Variants in TNIP1 observed in about 807,000 individuals in gnomAD.
The protein encoded by TNIP1 is TNFAIP3-interacting protein 1.
TNIP1 carries 22 observed loss-of-function variants against 86.6 expected under a neutral mutation model. The observed-to-expected ratio is 0.25, with a 90% CI of 0.18 to 0.36. The LOEUF is 0.36. TNIP1 is among the 10% of genes least tolerant of loss of function. The pLI, the probability that TNIP1 is intolerant of heterozygous loss-of-function variation, is 1.00. For missense variants in TNIP1, 709 were observed against 820.6 expected (o/e 0.86, Z 1.66); for synonymous variants, 294 against 313.0 (o/e 0.94, Z 0.64).
Position 151,052,063 on chromosome 5 carries a change from G to GCCTCAGAGCCACGGT in TNIP1, c.722+87_722+101dup, listed in dbSNP as rs1285053625. On this transcript the variant is annotated intron_variant, in intron 7 of 17. Coordinates refer to ENST00000521591, the MANE Select transcript of TNIP1 (RefSeq NM_006058.5). ...CTCCAAATAGGGCTCTGGGCACAGGGCCTCAGAGCCACGGTCCTCAACCCA... is the reference window on the plus strand; with the variant it reads ...CTCCAAATAGGGCTCTGGGCACAGGGCCTCAGAGCCACGGTCCTCAGAGCCACGGTCCTCAACCCA... The GCCTCAGAGCCACGGT allele has an allele frequency of 5.2e-6, 5 of 961,982 alleles. No individual in the cohort carries two copies. The East Asian group carries it at 1.3e-4, about 25-fold the overall frequency. The allele number at this position is 961,982 out of a possible 1,614,324, so 59.6% of individuals were successfully genotyped here.
In TNIP1 at chr5:151,049,863, C is replaced by T; in HGVS notation, c.807G>A (p.Met269Ile). ...CCACTGCCTTCTTGCCTGTCCCTTC[C>T]ATCTTCGGTGAGCCTGGCCGCCCAG... Reference protein sequence around the residue: ...GASGRPGSPKMEGTGKKAVAG... With the variant: ...GASGRPGSPKIEGTGKKAVAG... Residue 269 changes from methionine to isoleucine, a missense_variant, in exon 8 of 18, where the codon ATG (methionine) becomes ATA (isoleucine). Transcript: ENST00000521591. 1 of 1,614,194 alleles carries T rather than the reference C, an allele frequency of 6.2e-7. No individual in the cohort carries two copies.
upstream of TNIP1, among the ~76,000 whole-genome samples, chr5:151,081,635 G>A: frequency 6.6e-6 from 1 of 152,200 alleles, no homozygotes; most frequent in South Asian, 2.1e-4. Context: ...GATGCTTTGC[G>A]TGCATTATTT....
chr5:151,084,458 AAG>A, upstream of TNIP1, among the ~76,000 whole-genome samples: 2 of 151,380 alleles, frequency 1.3e-5, no homozygotes, highest in African/African-American at 2.4e-5. Flanking sequence ...AAAAAAAAAA[AAG>A]AAAGAAAGAA....
At chr5:151,049,100 C>A (rs1022321871) in intron 8 of TNIP1, among the ~76,000 whole-genome samples, 1 of 152,190 alleles carries the variant, frequency 6.6e-6, no homozygotes, top group African/African-American at 2.4e-5. Context: ...GTAATTGCTA[C>A]TATTGCATAG....
At chr5:151,055,198 CTCAAGCTTACCT>C (rs1186340838) in intron 6 of TNIP1, among the ~76,000 whole-genome samples, 1 of 151,990 alleles carries the variant, frequency 6.6e-6, no homozygotes, top group Non-Finnish European at 1.5e-5. Flanking sequence ...GCCTGCCCCC[CTCAAGCTTACCT>C]TCTAGCAGAG....
chr5:151,048,825 C>T (rs991445653), intron 8 of TNIP1, among the ~76,000 whole-genome samples: 8 of 152,180 alleles, frequency 5.3e-5, no homozygotes, highest in African/African-American at 1.9e-4. Flanking sequence ...GGATTCGGAA[C>T]ACCAGGGAAG....
rs748237814 is a variant in TNIP1 at position 151,065,032 on chromosome 5, A to C, written c.64T>G (p.Ser22Ala). Residue 22 changes from serine (S) to alanine (A), a missense_variant, in exon 2 of 18, where the codon TCC (serine) becomes GCC (alanine). By Grantham distance (99) the Ser-to-Ala change is moderately conservative. Transcript: ENST00000521591. Reference protein sequence around the residue: ...PGGSVPSGEASAAFERLVKEN... With the variant: ...PGGSVPSGEAAAAFERLVKEN... The stretch of plus-strand genomic sequence containing the variant: ...TTCACTAGGCGCTCAAAAGCTGCGG[A>C]TGCCTCTCCTGAGGGCACGCTGCCC... 9 of 1,614,188 alleles carry C rather than the reference A, an allele frequency of 5.6e-6. No individual in the cohort carries two copies. In the East Asian group the frequency reaches 1.1e-4, roughly 20 times the overall value.
chr5:151,043,043 T>C (rs1581765605), intron 9 of TNIP1, 82 bp from the exon 10 acceptor site: 1 of 1,410,796 alleles, frequency 7.1e-7, no homozygotes, highest in East Asian at 2.3e-5. Context: ...TACACCAGCG[T>C]CCCAAGGTGT....
intron 13 of TNIP1, 87 bp from the exon 14 acceptor site, chr5:151,035,794 G>T (rs1395076428): frequency 3.8e-6 from 6 of 1,558,504 alleles, no homozygotes; most frequent in Non-Finnish European, 5.2e-6. Flanking sequence ...GCCTCCTGCT[G>T]GGGTCACAGA....
chr5:151,073,808 G>A (rs1763086919), intron 1 of TNIP1, among the ~76,000 whole-genome samples: 1 of 152,090 alleles, frequency 6.6e-6, no homozygotes, highest in Non-Finnish European at 1.5e-5. Flanking sequence ...GTTGAGGTGG[G>A]AGGATCACTT....
chr5:151,042,880 A>G lies in TNIP1; in HGVS notation c.1002+16T>C, dbSNP rs889731368. Reference sequence around the variant, plus strand: ...CCAGGCATGCCCTGTGGGCGTGGCCAGGAACCCCACATTACCTTCTGCTCA... The same window carrying G: ...CCAGGCATGCCCTGTGGGCGTGGCCGGGAACCCCACATTACCTTCTGCTCA... On this transcript the variant is annotated intron_variant, in intron 10 of 17. Transcript: ENST00000521591. 6.2e-7 allele frequency: 1 copy of G among 1,613,394 alleles called. No homozygotes were observed. The highest frequency in any genetic ancestry group is 1.7e-5 in the Admixed American group (1 of 60,030).
chr5:151,075,336 T>C (rs1294824446), intron 1 of TNIP1, among the ~76,000 whole-genome samples: 4 of 152,156 alleles, frequency 2.6e-5, no homozygotes, highest in Non-Finnish European at 4.4e-5. Flanking sequence ...CTTTTTACTG[T>C]ATTGTTTGCT....
At chr5:151,031,467 T>G (rs2113192926) in intron 17 of TNIP1, among the ~76,000 whole-genome samples, 3 of 152,258 alleles carry the variant, frequency 2.0e-5, no homozygotes, top group Admixed American at 2.0e-4. Flanking sequence ...GTCGCTAAGG[T>G]CCCAATCTTT....
intron 1 of TNIP1, chr5:151,080,270 T>C (rs1763854368): frequency 1.3e-5 from 2 of 152,194 alleles, no homozygotes; most frequent in Non-Finnish European, 2.9e-5. Context: ...AGAAATAGTA[T>C]AGTAGGAACT....
rs76989164 is a variant in TNIP1, at chr5:151,048,378, C to A, written c.846+1446G>T. 0.012 allele frequency among the ~76,000 whole-genome samples: 1,581 copies of A among 137,416 alleles called. 34 individuals carry two copies. In the South Asian group the frequency reaches 0.12, roughly 10 times the overall value. 90.2% of individuals were successfully genotyped at this position (137,416 alleles called of 152,430 possible). A position where few individuals can be genotyped will look rare whatever the true frequency, so the allele number is the denominator to read the frequency against. On this transcript the variant is annotated intron_variant, in intron 8 of 17. Coordinates refer to ENST00000521591, the MANE Select transcript of TNIP1 (RefSeq NM_006058.5). The stretch of plus-strand genomic sequence containing the variant: ...TTGCATCACTGAATCCTCACAACCA[C>A]CCCTTGAGGCAGGTGTTACTATCTT...
intron 11 of TNIP1, 36 bp downstream of exon 11, chr5:151,042,504 G>A: frequency 6.2e-7 from 1 of 1,602,666 alleles, no homozygotes; most frequent in Non-Finnish European, 8.5e-7. Flanking sequence ...AATGTGGAGG[G>A]GAACTGACTC....
intron 4 of TNIP1, 127 bp from the exon 5 acceptor site, chr5:151,060,522 A>G: frequency 1.3e-6 from 1 of 757,058 alleles, no homozygotes. Flanking sequence ...GGACCGTTAC[A>G]TATCATCTCA....
intron 5 of TNIP1, among the ~76,000 whole-genome samples, chr5:151,058,608 ATGTGTCCTCTC>A (rs1365110303): frequency 2.6e-5 from 4 of 152,058 alleles, no homozygotes; most frequent in East Asian, 1.9e-4. Flanking sequence ...GTGTCTCTGC[ATGTGTCCTCTC>A]TGTGTCCTCT....
chr5:151,067,648 T>C (rs372323460), intron 1 of TNIP1, among the ~76,000 whole-genome samples: 235 of 152,306 alleles, frequency 1.5e-3, no homozygotes, highest in Middle Eastern at 6.8e-3. Flanking sequence ...TCCTGTAGAT[T>C]AGAGGCTGCA....
Sources: gnomAD v4.1 joint callset for allele counts (sites outside exome capture counted in the v4.1 genomes callset) on GRCh38, gnomAD v4.1.1 for gene constraint, MANE v1.5 for transcripts, NCBI Gene and HGNC (gene_info 2026-07-23, HGNC 2026-07-21) for gene names.